Variants in PDE3A observed in about 807,000 individuals in gnomAD.
PDE3A encodes the protein cGMP-inhibited 3',5'-cyclic phosphodiesterase 3A.
A neutral mutation model predicts 98.3 loss-of-function variants in PDE3A; 43 were observed. The observed-to-expected ratio is 0.44, with a 90% CI of 0.34 to 0.56. PDE3A has a LOEUF of 0.56. Among genes scored for constraint, PDE3A ranks in the 20% least tolerant of loss-of-function variants. PDE3A has a pLI of 0.01. For synonymous variants in PDE3A, 663 were observed against 567.9 expected, an observed-to-expected ratio of 1.17 and a Z score of -2.38; for missense variants, 1,427 against 1,440.7, an observed-to-expected ratio of 0.99 and a Z score of 0.15.
chr12:20,403,081 G>A (rs925279884), intron 1 of PDE3A, among the ~76,000 whole-genome samples: 1 of 152,108 alleles, frequency 6.6e-6, no homozygotes, highest in Non-Finnish European at 1.5e-5. Flanking sequence ...TATTGTTGCT[G>A]TTACATTGGT....
chr12:20,544,449 A>C (rs1258945593), intron 1 of PDE3A, among the ~76,000 whole-genome samples: 1 of 151,854 alleles, frequency 6.6e-6, no homozygotes, highest in African/African-American at 2.4e-5. Flanking sequence ...TGTTTTAAAC[A>C]AGATGGAGAT....
At chr12:20,516,042 T>A (rs928892654) in intron 1 of PDE3A, among the ~76,000 whole-genome samples, 3 of 151,930 alleles carry the variant, frequency 2.0e-5, no homozygotes, top group Non-Finnish European at 4.4e-5. Context: ...TATTTTTTTT[T>A]TTTTCAGAAC....
chr12:20,639,518 A>G (rs888103072), intron 9 of PDE3A, among the ~76,000 whole-genome samples: 5 of 152,078 alleles, frequency 3.3e-5, no homozygotes, highest in Non-Finnish European at 5.9e-5. Flanking sequence ...AAATATGTAT[A>G]TATTTTTGCC....
chr12:20,394,019 C>G (rs142398901), intron 1 of PDE3A, among the ~76,000 whole-genome samples: 7 of 152,134 alleles, frequency 4.6e-5, no homozygotes, highest in African/African-American at 1.7e-4. Context: ...AAACTTGAAC[C>G]TAGAAGGGCA....
chr12:20,668,729 T>C (rs1290705093), intron 15 of PDE3A, among the ~76,000 whole-genome samples: 1 of 150,082 alleles, frequency 6.7e-6, no homozygotes, highest in African/African-American at 2.5e-5. Context: ...CAAAAGTAGA[T>C]AAAACCACAA....
Position 20,464,193 on chromosome 12 carries a change from A to T in PDE3A, c.961-92467A>T, listed in dbSNP as rs1444734335. Reference sequence around the variant, plus strand: ...GCCCTGTATCATTGAAATGATGGGAAATGTTATTGCCCTTATTAACATTAT... The same window carrying T: ...GCCCTGTATCATTGAAATGATGGGATATGTTATTGCCCTTATTAACATTAT... On this transcript the variant is annotated intron_variant, in intron 1 of 15. Coordinates refer to ENST00000359062, the MANE Select transcript of PDE3A (RefSeq NM_000921.5). Among the ~76,000 whole-genome samples, 6 of 152,114 alleles carry T rather than the reference A, an allele frequency of 3.9e-5. No individual in the cohort carries two copies. In the East Asian group the frequency reaches 9.6e-4, roughly 24 times the overall value.
At chr12:20,436,510 A>G (rs911498088) in intron 1 of PDE3A, among the ~76,000 whole-genome samples, 2 of 152,188 alleles carry the variant, frequency 1.3e-5, no homozygotes, top group Non-Finnish European at 2.9e-5. Context: ...CAGACCAAAA[A>G]TGACTGACAG....
At chr12:20,592,405 TTA>T (rs1236595873) in intron 2 of PDE3A, among the ~76,000 whole-genome samples, 3 of 152,210 alleles carry the variant, frequency 2.0e-5, no homozygotes, top group Admixed American at 1.3e-4. Flanking sequence ...TATCCAATCA[TTA>T]TGTTTTTAAA....
intron 2 of PDE3A, among the ~76,000 whole-genome samples, chr12:20,568,771 A>G (rs1202688547): frequency 6.6e-6 from 1 of 151,990 alleles, no homozygotes; most frequent in East Asian, 1.9e-4. Flanking sequence ...TATTCCCATT[A>G]ATAGATATAT....
chr12:20,562,832 T>C lies in PDE3A; in HGVS notation c.1011+6122T>C, dbSNP rs1167731063. On this transcript the variant is annotated intron_variant, in intron 2 of 15. Coordinates refer to ENST00000359062, the MANE Select transcript of PDE3A (RefSeq NM_000921.5). The stretch of plus-strand genomic sequence containing the variant: ...CCATCTGGTTTTCAAATGATTGAAG[T>C]CTTTCTTTAGATAATAAAATTCTGG... Among the ~76,000 whole-genome samples, 5 of 152,212 alleles carry C rather than the reference T, an allele frequency of 3.3e-5. No homozygotes were observed. The East Asian group carries it at 9.6e-4, about 29-fold the overall frequency.
intron 10 of PDE3A, among the ~76,000 whole-genome samples, chr12:20,641,295 A>T (rs535187453): frequency 6.6e-6 from 1 of 152,192 alleles, no homozygotes; most frequent in South Asian, 2.1e-4. Flanking sequence ...CCCTGGGAAC[A>T]TCTGGCTGAC....
At chr12:20,622,760 G>C (rs1359614254) in intron 5 of PDE3A, among the ~76,000 whole-genome samples, 1 of 151,940 alleles carries the variant, frequency 6.6e-6, no homozygotes, top group Non-Finnish European at 1.5e-5. Context: ...ACTCTTAAAG[G>C]GGTGCTAAAG....
chr12:20,612,072 A>G (rs1943870537), intron 2 of PDE3A, among the ~76,000 whole-genome samples: 1 of 151,894 alleles, frequency 6.6e-6, no homozygotes, highest in African/African-American at 2.4e-5. Context: ...CTACTAATTG[A>G]TAGGCTTAGC....
chr12:20,570,311 G>C (rs1942767891), intron 2 of PDE3A, among the ~76,000 whole-genome samples: 1 of 147,990 alleles, frequency 6.8e-6, no homozygotes, highest in Non-Finnish European at 1.5e-5. Flanking sequence ...GGAAGGCTGA[G>C]GCAGGAGAAT....
At chr12:20,676,498 C>CTT (rs60887487) in intron 15 of PDE3A, among the ~76,000 whole-genome samples, 5,399 of 109,156 alleles carry the variant, frequency 0.049, 430 homozygotes, top group Non-Finnish European at 0.063. Flanking sequence ...ATGTCTTTGA[C>CTT]TTTTTTTTTT....
intron 10 of PDE3A, among the ~76,000 whole-genome samples, chr12:20,642,385 T>C (rs1944664874): frequency 6.6e-6 from 1 of 152,156 alleles, no homozygotes; most frequent in African/African-American, 2.4e-5. Context: ...AATATAAATG[T>C]GATAAAAATG....
intron 1 of PDE3A, among the ~76,000 whole-genome samples, chr12:20,380,019 C>T (rs1427844121): frequency 6.6e-6 from 1 of 151,730 alleles, no homozygotes; most frequent in Non-Finnish European, 1.5e-5. Flanking sequence ...GTGTTTTTCA[C>T]ATTCAACTAA....
At chr12:20,567,963 T>A (rs1942702916) in intron 2 of PDE3A, among the ~76,000 whole-genome samples, 1 of 152,014 alleles carries the variant, frequency 6.6e-6, no homozygotes, top group Admixed American at 6.6e-5. Context: ...TAAATAATCA[T>A]ACCAAACTGA....
intron 2 of PDE3A, among the ~76,000 whole-genome samples, chr12:20,574,511 C>A (rs116274821): frequency 0.015 from 2,311 of 152,050 alleles, 58 homozygotes; most frequent in African/African-American, 0.053. Flanking sequence ...TCTGTGGATA[C>A]AATACGTTGG....
Sources: allele counts gnomAD v4.1 joint callset (sites outside exome capture counted in the v4.1 genomes callset), GRCh38; gene constraint gnomAD v4.1.1; transcripts MANE v1.5; gene names NCBI Gene and HGNC (gene_info 2026-07-23, HGNC 2026-07-21).